BST1: variants seen among roughly 807,000 people sequenced by gnomAD.
The protein encoded by BST1 is bone marrow stromal cell antigen 1.
BST1 carries 49 observed loss-of-function variants against 40.6 expected under a neutral mutation model. The ratio of observed to expected loss-of-function variants is 1.21; its 90% CI spans 0.96 to 1.53. BST1 has a LOEUF of 1.53. BST1 is among the 40% of genes most tolerant of loss of function. The pLI, the probability that BST1 is intolerant of heterozygous loss-of-function variation, is 0.00. For synonymous variants in BST1, 157 were observed against 159.3 expected, an observed-to-expected ratio of 0.99 and a Z score of 0.11; for missense variants, 423 against 395.9, an observed-to-expected ratio of 1.07 and a Z score of -0.58.
chr4:15,771,013 C>T, the BST1 span, among the ~76,000 whole-genome samples: 1 of 152,192 alleles, frequency 6.6e-6, no homozygotes, highest in African/African-American at 2.4e-5. Flanking sequence ...ACAGGGATTC[C>T]TCAAGGCTAG....
chr4:15,743,446 T>TA, the BST1 span: 67 of 255,034 alleles, frequency 2.6e-4, no homozygotes, highest in Admixed American at 6.2e-4. Context: ...CAGTTCACAA[T>TA]AAACTGTTAG....
downstream of BST1, among the ~76,000 whole-genome samples, chr4:15,738,684 G>A (rs1374703636): frequency 6.6e-6 from 1 of 152,236 alleles, no homozygotes; most frequent in Non-Finnish European, 1.5e-5. Flanking sequence ...GATTGTTACA[G>A]ACGGAACTGT....
the BST1 span, among the ~76,000 whole-genome samples, chr4:15,772,867 G>A: frequency 6.6e-6 from 1 of 152,242 alleles, no homozygotes; most frequent in Non-Finnish European, 1.5e-5. Context: ...CAGGAGTGGA[G>A]AAGCATAGGA....
At chr4:15,723,470 G>C in intron 8 of BST1, 2 of 737,498 alleles carry the variant, frequency 2.7e-6, no homozygotes, top group African/African-American at 1.9e-5. Context: ...GGATGGTCTC[G>C]ATCTCCTGGC....
intron 2 of BST1, among the ~76,000 whole-genome samples, chr4:15,705,902 C>T (rs1719856915): frequency 6.6e-6 from 1 of 152,244 alleles, no homozygotes; most frequent in East Asian, 1.9e-4. Context: ...CACAGTTCCA[C>T]AGGCTGTACA....
the BST1 span, among the ~76,000 whole-genome samples, chr4:15,755,748 G>T: frequency 1.3e-5 from 2 of 152,142 alleles, no homozygotes; most frequent in African/African-American, 4.8e-5. Flanking sequence ...TTATGCATCT[G>T]TGAGTGTGTG....
At chr4:15,759,852 T>C in the BST1 span, among the ~76,000 whole-genome samples, 3 of 151,912 alleles carry the variant, frequency 2.0e-5, no homozygotes, top group Non-Finnish European at 2.9e-5. Flanking sequence ...ATGGGCTATC[T>C]TCATATCAGA....
At chr4:15,703,398 G>C in intron 1 of BST1, 66 bp downstream of exon 1, 2 of 1,463,374 alleles carry the variant, frequency 1.4e-6, no homozygotes, top group Non-Finnish European at 1.8e-6. Flanking sequence ...CCTGGGGAGG[G>C]GAAAACTGGC....
intron 8 of BST1, among the ~76,000 whole-genome samples, chr4:15,725,587 C>A (rs1194545997): frequency 6.6e-6 from 1 of 152,150 alleles, no homozygotes; most frequent in African/African-American, 2.4e-5. Flanking sequence ...GTCCCATCTT[C>A]CAGGTTCATC....
intron 8 of BST1, among the ~76,000 whole-genome samples, chr4:15,724,642 C>T (rs1316124383): frequency 1.3e-5 from 2 of 152,094 alleles, no homozygotes; most frequent in African/African-American, 4.8e-5. Context: ...GCCGAGATTG[C>T]ACCAGTGCAC....
chr4:15,707,720 T>A, intron 3 of BST1, 74 bp downstream of exon 3: 1 of 1,539,292 alleles, frequency 6.5e-7, no homozygotes, highest in Non-Finnish European at 8.9e-7. Context: ...TGCTAAATGC[T>A]TTCATATGCA....
chr4:15,748,964 G>A, the BST1 span, among the ~76,000 whole-genome samples: 1 of 152,212 alleles, frequency 6.6e-6, no homozygotes, highest in Non-Finnish European at 1.5e-5. Context: ...GGGAGGATGA[G>A]ACGAGGGAGG....
chr4:15,769,556 G>A, the BST1 span, among the ~76,000 whole-genome samples: 1 of 152,166 alleles, frequency 6.6e-6, no homozygotes, highest in East Asian at 1.9e-4. Flanking sequence ...AGAGCTAGTG[G>A]GGGTGGAGAG....
chr4:15,764,832 G>A, the BST1 span, among the ~76,000 whole-genome samples: 10 of 150,756 alleles, frequency 6.6e-5, 1 homozygote, highest in African/African-American at 2.2e-4. Flanking sequence ...CTCAATGACT[G>A]CTCATGGCAA....
At chr4:15,710,579 C>T (rs928535520) in intron 3 of BST1, among the ~76,000 whole-genome samples, 1 of 152,136 alleles carries the variant, frequency 6.6e-6, no homozygotes, top group South Asian at 2.1e-4. Flanking sequence ...CTTCCCATCT[C>T]CCTTATCCAT....
chr4:15,755,638 G>A, the BST1 span, among the ~76,000 whole-genome samples: 1 of 152,064 alleles, frequency 6.6e-6, no homozygotes, highest in Non-Finnish European at 1.5e-5. Flanking sequence ...TATTATTTAT[G>A]GGTGAAAAGC....
the BST1 span, among the ~76,000 whole-genome samples, chr4:15,760,926 G>A: frequency 4.0e-5 from 6 of 151,410 alleles, no homozygotes; most frequent in African/African-American, 1.2e-4. Context: ...AAATTCCTGA[G>A]TAATCTGCCT....
At chr4:15,738,681 A>G (rs928265011), downstream of BST1, among the ~76,000 whole-genome samples, 4 of 152,256 alleles carry the variant, frequency 2.6e-5, no homozygotes, top group African/African-American at 9.6e-5. Context: ...CACGATTGTT[A>G]CAGACGGAAC....
At chr4:15,707,380 C>A (rs1019217722) in intron 2 of BST1, 131 bp from the exon 3 acceptor site, 2 of 987,026 alleles carry the variant, frequency 2.0e-6, no homozygotes, top group African/African-American at 1.6e-5. Context: ...CGAAAAAGAA[C>A]GTTCAGTTGT....
Sources: allele counts gnomAD v4.1 joint callset (sites outside exome capture counted in the v4.1 genomes callset), GRCh38; gene constraint gnomAD v4.1.1; transcripts MANE v1.5; gene names NCBI Gene and HGNC (gene_info 2026-07-23, HGNC 2026-07-21).